HPS5: variants seen among roughly 807,000 people sequenced by gnomAD.
The protein encoded by HPS5 is HPS5 biogenesis of lysosomal organelles complex 2 subunit 2.
In HPS5, 83 loss-of-function variants were observed where a neutral mutation model predicts 128.0. That is an observed-to-expected ratio of 0.65 (90% confidence interval 0.54 to 0.78). The LOEUF is 0.78. Ranked by LOEUF, HPS5 falls within the 30% of genes least tolerant of loss-of-function variation. The pLI is 0.00. For synonymous variants in HPS5, 475 were observed against 470.2 expected (o/e 1.01, Z -0.13); for missense variants, 1,281 against 1,326.2 (o/e 0.97, Z 0.53).
At chr11:18,318,420 G>GT (rs1301978192) in intron 1 of HPS5, among the ~76,000 whole-genome samples, 1 of 152,184 alleles carries the variant, frequency 6.6e-6, no homozygotes, top group Admixed American at 6.5e-5. Context: ...CAGGGGCTTA[G>GT]TAAGTATGGT....
chr11:18,296,702 T>G (rs1861107982), intron 12 of HPS5, 96 bp downstream of exon 12: 1 of 1,120,198 alleles, frequency 8.9e-7, no homozygotes, highest in Non-Finnish European at 1.4e-6. Flanking sequence ...TTATTAACAC[T>G]TCAGAGAAAT....
chr11:18,321,669 GAGAA>G (rs1864374682), intron 1 of HPS5, among the ~76,000 whole-genome samples: 1 of 152,176 alleles, frequency 6.6e-6, no homozygotes, highest in Non-Finnish European at 1.5e-5. Context: ...GGAGGAAGAG[GAGAA>G]AGAAGTAAGA....
chr11:18,309,140 T>G, intron 5 of HPS5, 61 bp from the exon 6 acceptor site: 44 of 1,473,054 alleles, frequency 3.0e-5, no homozygotes, highest in Middle Eastern at 1.7e-4. Context: ...ATGCAATCTC[T>G]TCCTCTTTAC....
At chr11:18,301,036 A>G in intron 8 of HPS5, 120 bp from the exon 9 acceptor site, 1 of 706,356 alleles carries the variant, frequency 1.4e-6, no homozygotes, top group South Asian at 1.6e-5. Flanking sequence ...AGAAAACACA[A>G]GAGTGATCCA....
chr11:18,294,367 G>C (rs2134310719), intron 14 of HPS5, among the ~76,000 whole-genome samples: 2 of 152,180 alleles, frequency 1.3e-5, no homozygotes, highest in Admixed American at 1.3e-4. Context: ...TGCTTGATGA[G>C]TCCTTGACTC....
At position 18,287,922 on chromosome 11, in the gene HPS5, A is replaced by G. The variant is rs2134252365; in HGVS notation, c.2532T>C (p.Asp844=). 2 of 1,614,134 alleles carry G rather than the reference A, an allele frequency of 1.2e-6. No individual in the cohort carries two copies. The highest frequency in any genetic ancestry group is 1.1e-5 in the South Asian group (1 of 91,080). ...TAGCATAAACAACCAACAACGGACT[A>G]TCAAAAGGAACCTCGTCATCTAGTA... ...LKLLDDEVPF[D]SPLLVVYATR... The change falls in exon 17 of 23, where the codon GAT becomes GAC. Residue 844 remains aspartate, a synonymous_variant. Transcript: ENST00000349215.
intron 20 of HPS5, among the ~76,000 whole-genome samples, chr11:18,284,754 A>G (rs1238216857): frequency 6.6e-6 from 1 of 152,246 alleles, no homozygotes; most frequent in East Asian, 1.9e-4. Flanking sequence ...GCTATCTCCA[A>G]AAGATTATAA....
chr11:18,306,350 A>G lies in HPS5; in HGVS notation c.612-3T>C. On this transcript the variant is annotated splice_region_variant and splice_polypyrimidine_tract_variant and intron_variant, in intron 6 of 22. Transcript: ENST00000349215. ...TTCCAATTTTCCAAAACTTTTCTCT[A>G]ACATCCAGAAAGGAAGAGAAAGCAG... 6.2e-7 allele frequency: 1 copy of G among 1,606,170 alleles called. No individual in the cohort carries two copies. The highest frequency in any genetic ancestry group is 8.5e-7 in the Non-Finnish European group (1 of 1,172,830).
At chr11:18,286,519 G>A (rs1859743575) in intron 19 of HPS5, 72 bp downstream of exon 19, 1 of 1,463,316 alleles carries the variant, frequency 6.8e-7, no homozygotes, top group African/African-American at 1.4e-5. Flanking sequence ...TCCAGCCTAG[G>A]CGACAGAGTG....
intron 12 of HPS5, 112 bp from the exon 13 acceptor site, chr11:18,296,234 C>G: frequency 9.1e-7 from 1 of 1,104,278 alleles, no homozygotes; most frequent in Non-Finnish European, 1.3e-6. Context: ...GGATTCAATA[C>G]CAAAATCACA....
chr11:18,287,289 A>G (rs942000358), intron 18 of HPS5, among the ~76,000 whole-genome samples: 1 of 152,210 alleles, frequency 6.6e-6, no homozygotes, highest in Non-Finnish European at 1.5e-5. Flanking sequence ...GCCCTGAATC[A>G]AGGGATTAAT....
intron 14 of HPS5, among the ~76,000 whole-genome samples, chr11:18,293,685 G>A (rs1044968686): frequency 1.3e-5 from 2 of 152,120 alleles, no homozygotes; most frequent in Non-Finnish European, 2.9e-5. Context: ...AAGCAGAGAA[G>A]AAGAAATAAT....
chr11:18,287,880 C>G lies in HPS5; in HGVS notation c.2561+13G>C. 6.2e-7 allele frequency: 1 copy of G among 1,613,894 alleles called. No homozygotes were observed. On this transcript the variant is annotated intron_variant, in intron 17 of 22. Coordinates refer to ENST00000349215, the MANE Select transcript of HPS5 (RefSeq NM_181507.2). ...TGCTTTAGCTCATATAAACAATATA[C>G]AGGACAACTTACCGGGTAGCATAAA... is the stretch of plus-strand genomic sequence containing the variant.
At position 18,279,877 on chromosome 11, in the gene HPS5, T is replaced by C. The variant is rs368130502; in HGVS notation, c.*5A>G. ...TGTCATGACATCCTGCTGAATCTTC[T>C]CCCACTAGGCCTGCTGGGACCAGAG... On this transcript the variant is annotated 3_prime_UTR_variant, in exon 23 of 23. Transcript: ENST00000349215. 6.2e-6 allele frequency: 10 copies of C among 1,613,372 alleles called. No homozygotes were observed. The highest frequency in any genetic ancestry group is 1.3e-5 in the African/African-American group (1 of 74,928).
In HPS5 at chr11:18,298,674, G is replaced by A. The variant is rs959417234; in HGVS notation, c.1164+118C>T. On this transcript the variant is annotated intron_variant, in intron 10 of 22. Coordinates refer to ENST00000349215, the MANE Select transcript of HPS5 (RefSeq NM_181507.2). Reference sequence around the variant, plus strand: ...ATGCTTTCTCTGGGCATGTATTGCTGTATCTGTAGGTCACACAGACAGGGT... The same window carrying A: ...ATGCTTTCTCTGGGCATGTATTGCTATATCTGTAGGTCACACAGACAGGGT... The A allele has an allele frequency of 2.0e-5, 19 of 941,758 alleles. No individual in the cohort carries two copies. In the African/African-American group the frequency reaches 2.6e-4, roughly 13 times the overall value. The allele number at this position is 941,758 out of a possible 1,614,324, so 58.3% of individuals were successfully genotyped here.
intron 1 of HPS5, among the ~76,000 whole-genome samples, chr11:18,320,026 G>C (rs765947491): frequency 6.6e-6 from 1 of 152,040 alleles, no homozygotes; most frequent in Admixed American, 6.6e-5. Flanking sequence ...CTTAATCTCG[G>C]TAAAAAGAGA....
chr11:18,284,070 T>C (rs1298440901), intron 20 of HPS5, among the ~76,000 whole-genome samples, 169 bp from the exon 21 acceptor site: 1 of 152,060 alleles, frequency 6.6e-6, no homozygotes, highest in Non-Finnish European at 1.5e-5. Context: ...ACATTTCAAG[T>C]AGTCAATGGC....
At chr11:18,317,680 A>T (rs1007631676) in intron 2 of HPS5, 71 bp downstream of exon 2, 3 of 1,428,998 alleles carry the variant, frequency 2.1e-6, no homozygotes, top group Non-Finnish European at 2.0e-6. Context: ...AACGTTAAGG[A>T]ACTGGAGGGT....
rs139795577 is a variant in HPS5, at chr11:18,286,707, T to C, written c.2721A>G (p.Ser907=). 4.8e-4 allele frequency: 769 copies of C among 1,613,614 alleles called. No individual in the cohort carries two copies. The highest frequency in any genetic ancestry group is 6.1e-4 in the Non-Finnish European group (719 of 1,179,914). Reference sequence around the variant, plus strand: ...GTTGCAGAAGGGACTCAAGAAAAGATGACCTAAGAGAAAGTTGGGGAAAAA... The same window carrying C: ...GTTGCAGAAGGGACTCAAGAAAAGACGACCTAAGAGAAAGTTGGGGAAAAA... ...LVKSRPEDQR[S]SFLESLLQPE... The change falls in exon 19 of 23, where the codon TCA becomes TCG. Residue 907 remains serine (S), a synonymous_variant. Transcript: ENST00000349215.
Sources: gnomAD v4.1 joint callset for allele counts (sites outside exome capture counted in the v4.1 genomes callset) on GRCh38, gnomAD v4.1.1 for gene constraint, MANE v1.5 for transcripts, NCBI Gene and HGNC (gene_info 2026-07-23, HGNC 2026-07-21) for gene names.